LAMA3: variants seen among roughly 807,000 people sequenced by gnomAD.
LAMA3 encodes the protein laminin subunit alpha 3, also known as laminin subunit alpha-3.
Under a neutral mutation model 402.0 loss-of-function variants are expected in LAMA3, and 281 were observed. That is an observed-to-expected ratio of 0.70 (90% CI 0.63 to 0.77). LAMA3 has a LOEUF of 0.77. Among genes scored for constraint, LAMA3 ranks in the 30% least tolerant of loss-of-function variants. LAMA3 has a pLI of 0.00. For missense variants in LAMA3, 3,840 were observed against 4,215.5 expected, an observed-to-expected ratio of 0.91 and a Z score of 2.47; for synonymous variants, 1,431 against 1,558.4, an observed-to-expected ratio of 0.92 and a Z score of 1.93.
intron 31 of LAMA3, among the ~76,000 whole-genome samples, chr18:23,847,133 G>A (rs2063834046): frequency 6.6e-6 from 1 of 152,192 alleles, no homozygotes; most frequent in Non-Finnish European, 1.5e-5. Flanking sequence ...TGTGGATGTG[G>A]AGCCACTTCA....
chr18:23,773,641 A>G, intron 9 of LAMA3, 54 bp downstream of exon 9: 1 of 1,148,550 alleles, frequency 8.7e-7, no homozygotes, highest in Non-Finnish European at 1.3e-6. Flanking sequence ...GCCTCAGCGA[A>G]GTCATCAGGC....
At chr18:23,939,919 GGA>G (rs1016740987) in intron 68 of LAMA3, among the ~76,000 whole-genome samples, 69 of 152,210 alleles carry the variant, frequency 4.5e-4, no homozygotes, top group African/African-American at 1.7e-3. Flanking sequence ...GTGATTTGAA[GGA>G]GCCATAGATA....
At chr18:23,820,462 C>T (rs577789408) in intron 19 of LAMA3, among the ~76,000 whole-genome samples, 5 of 152,154 alleles carry the variant, frequency 3.3e-5, no homozygotes, top group South Asian at 2.1e-4. Flanking sequence ...TTGCTATGTA[C>T]GTGGAAACTA....
chr18:23,884,925 C>G lies in LAMA3; in HGVS notation c.5303+72C>G. 9.3e-6 allele frequency: 11 copies of G among 1,187,618 alleles called. No homozygotes were observed. In the South Asian group the frequency reaches 1.5e-4, roughly 17 times the overall value. The allele number at this position is 1,187,618 out of a possible 1,614,324, so 73.6% of individuals were successfully genotyped here. A position where few individuals can be genotyped will look rare whatever the true frequency, so the allele number is the denominator to read the frequency against. The stretch of plus-strand genomic sequence containing the variant: ...GGGCTGTGGGTGGGGCTGCCAGGTG[C>G]TGGCACAGAGCTAGGGGTGGGGCTG... On this transcript the variant is annotated intron_variant, in intron 41 of 74. Coordinates refer to ENST00000313654, the MANE Select transcript of LAMA3 (RefSeq NM_198129.4).
chr18:23,923,341 C>T (rs548712333), intron 62 of LAMA3, among the ~76,000 whole-genome samples: 75 of 152,170 alleles, frequency 4.9e-4, no homozygotes, highest in East Asian at 2.3e-3. Flanking sequence ...GGCTGGAGGC[C>T]GAGTATATTA....
intron 60 of LAMA3, among the ~76,000 whole-genome samples, chr18:23,919,488 G>C (rs1403685059): frequency 3.9e-5 from 6 of 152,236 alleles, no homozygotes; most frequent in African/African-American, 1.2e-4. Flanking sequence ...GCTGTTAATA[G>C]GTTGTTTATT....
At chr18:23,714,141 T>A in intron 2 of LAMA3, 69 bp downstream of exon 2, 1 of 1,370,364 alleles carries the variant, frequency 7.3e-7, no homozygotes, top group Non-Finnish European at 1.0e-6. Flanking sequence ...ATTTCTGATA[T>A]AATAATTATT....
intron 62 of LAMA3, among the ~76,000 whole-genome samples, chr18:23,923,872 G>A (rs2081924474): frequency 6.6e-6 from 1 of 152,224 alleles, no homozygotes; most frequent in African/African-American, 2.4e-5. Flanking sequence ...GAAAAGAGCA[G>A]TAGGTAGAAC....
At chr18:23,908,681 C>T (rs750026304) in intron 54 of LAMA3, among the ~76,000 whole-genome samples, 1 of 151,722 alleles carries the variant, frequency 6.6e-6, no homozygotes, top group Non-Finnish European at 1.5e-5. Flanking sequence ...CCTCCTTATC[C>T]TCAGGGGATA....
chr18:23,904,457 A>T, intron 50 of LAMA3, 96 bp from the exon 51 acceptor site: 2 of 1,311,080 alleles, frequency 1.5e-6, no homozygotes, highest in South Asian at 1.4e-5. Flanking sequence ...AAAAAAAGAA[A>T]GAAAAAATAA....
At chr18:23,796,179 A>T (rs1598810709) in intron 12 of LAMA3, 2 of 319,048 alleles carry the variant, frequency 6.3e-6, no homozygotes, top group Non-Finnish European at 1.3e-5. Context: ...TTGTTATGGC[A>T]GCTCAAGGTG....
At chr18:23,784,989 G>C (rs1724763262) in intron 12 of LAMA3, among the ~76,000 whole-genome samples, 1 of 152,204 alleles carries the variant, frequency 6.6e-6, no homozygotes, top group African/African-American at 2.4e-5. Context: ...TTAAGAGCCA[G>C]AGCAGCAGGC....
intron 12 of LAMA3, among the ~76,000 whole-genome samples, chr18:23,805,179 T>C (rs1292004500): frequency 6.6e-6 from 1 of 152,124 alleles, no homozygotes. Flanking sequence ...TCAGGTGATA[T>C]GTTAATTTGC....
intron 38 of LAMA3, among the ~76,000 whole-genome samples, chr18:23,874,255 T>C (rs1396259806): frequency 6.6e-6 from 1 of 152,244 alleles, no homozygotes; most frequent in African/African-American, 2.4e-5. Flanking sequence ...AAGCAGGTAA[T>C]GTGATATACA....
chr18:23,954,401 TAAAAAAAAAA>T (rs11406615), intron 74 of LAMA3, 92 bp from the exon 75 acceptor site: 6 of 679,830 alleles, frequency 8.8e-6, no homozygotes, highest in South Asian at 1.8e-5. Context: ...GGACCCTGTC[TAAAAAAAAAA>T]AAAAAAAAAA....
At chr18:23,733,424 A>G (rs138973257) in intron 2 of LAMA3, among the ~76,000 whole-genome samples, 1 of 152,298 alleles carries the variant, frequency 6.6e-6, no homozygotes, top group Non-Finnish European at 1.5e-5. Flanking sequence ...AGAAGAGAGA[A>G]TGAGAACCAA....
chr18:23,815,563 TG>T lies in LAMA3; in HGVS notation c.2040del (p.Cys681ValfsTer49). 1.9e-6 allele frequency: 3 copies of T among 1,612,984 alleles called. No homozygotes were observed. Among genetic ancestry groups the T allele is most frequent in the Non-Finnish European group, 2.5e-6 (3 of 1,178,942 alleles). On this transcript the variant is annotated frameshift_variant, in exon 17 of 75. Transcript: ENST00000313654. LOFTEE classifies it high-confidence loss of function. ...TTGCTTTGGAAAAGAGCAATTACTTTGGGTGTCAAGGTAAATAAGTCCATTG... is the reference window on the plus strand; with the variant it reads ...TTGCTTTGGAAAAGAGCAATTACTTTGGTGTCAAGGTAAATAAGTCCATTG... ...YFALEKSNYF[G>X]CQGCQCDIGG...
rs745375536 is a variant in LAMA3, at chr18:23,847,527, C to T, written c.3995C>T (p.Thr1332Met). ...MTGQCRCPPR[T>M]VRPQCEVCET... is the part of the protein sequence containing the mutation. ...GGGCAGTGCCGCTGCCCTCCCCGCA[C>T]GGTCAGGCCCCAGTGTGAGGTGTGT... is the stretch of plus-strand genomic sequence containing the variant. Residue 1332 changes from threonine to methionine, a missense_variant, in exon 32 of 75, where the codon ACG becomes ATG. By Grantham distance (81) the Thr-to-Met change is moderately conservative. Coordinates refer to ENST00000313654, the MANE Select transcript of LAMA3 (RefSeq NM_198129.4). 44 of 1,613,910 alleles carry T rather than the reference C, an allele frequency of 2.7e-5. No homozygotes were observed. The highest frequency in any genetic ancestry group is 6.7e-5 in the East Asian group (3 of 44,892).
intron 34 of LAMA3, among the ~76,000 whole-genome samples, chr18:23,859,318 G>A (rs1326543594): frequency 6.6e-6 from 1 of 152,134 alleles, no homozygotes; most frequent in African/African-American, 2.4e-5. Flanking sequence ...GATTCTCCCA[G>A]ACACTCCGGG....
Sources: allele counts gnomAD v4.1 joint callset (sites outside exome capture counted in the v4.1 genomes callset), GRCh38; gene constraint gnomAD v4.1.1; transcripts MANE v1.5; gene names NCBI Gene and HGNC (gene_info 2026-07-23, HGNC 2026-07-21).